Variants in FBXO11 observed in about 807,000 individuals in gnomAD.
The protein encoded by FBXO11 is F-box only protein 11.
Under a neutral mutation model 117.0 loss-of-function variants are expected in FBXO11, and 13 were observed. The ratio of observed to expected loss-of-function variants is 0.11; its 90% CI spans 0.07 to 0.18. FBXO11 has a LOEUF of 0.18. Ranked by LOEUF, FBXO11 falls within the 10% of genes least tolerant of loss-of-function variation. The pLI is 1.00. For missense variants in FBXO11, 767 were observed against 1,164.4 expected (o/e 0.66, Z 4.97); for synonymous variants, 490 against 380.5 (o/e 1.29, Z -3.35).
chr2:47,836,049 A>G, intron 4 of FBXO11, 48 bp from the exon 5 acceptor site: 1 of 1,409,036 alleles, frequency 7.1e-7, no homozygotes, highest in Non-Finnish European at 9.7e-7. Context: ...TGTCCTTTAG[A>G]TTAATACAGT....
intron 20 of FBXO11, 24 bp from the exon 21 acceptor site, chr2:47,809,290 A>C: frequency 7.2e-7 from 1 of 1,393,008 alleles, no homozygotes; most frequent in Non-Finnish European, 1.0e-6. Flanking sequence ...AAGAATAAGT[A>C]AAAATTCAGA....
chr2:47,898,409 C>G (rs1203340559), intron 1 of FBXO11, among the ~76,000 whole-genome samples: 1 of 152,166 alleles, frequency 6.6e-6, no homozygotes, highest in East Asian at 1.9e-4. Context: ...AGTCCACAAA[C>G]CAGTCAAAAT....
chr2:47,845,570 G>C (rs1186084408), intron 1 of FBXO11, among the ~76,000 whole-genome samples: 1 of 152,076 alleles, frequency 6.6e-6, no homozygotes, highest in Admixed American at 6.5e-5. Context: ...GAAATCTCTA[G>C]TCATTTGGGT....
intron 1 of FBXO11, among the ~76,000 whole-genome samples, chr2:47,890,031 A>G (rs922535248): frequency 6.6e-5 from 10 of 152,352 alleles, no homozygotes; most frequent in African/African-American, 2.4e-4. Flanking sequence ...AGAGTCCCAA[A>G]TATCAAATTC....
At chr2:47,860,463 C>G (rs1414290914) in intron 1 of FBXO11, among the ~76,000 whole-genome samples, 3 of 147,806 alleles carry the variant, frequency 2.0e-5, no homozygotes, top group African/African-American at 7.5e-5. Context: ...CAGAGTGGAG[C>G]GCAGTGGCAC....
chr2:47,884,088 G>A (rs1022753724), intron 1 of FBXO11, among the ~76,000 whole-genome samples: 1 of 152,086 alleles, frequency 6.6e-6, no homozygotes, highest in African/African-American at 2.4e-5. Flanking sequence ...GGCCTGTGAT[G>A]CATACCTATA....
At chr2:47,888,053 T>C (rs898769167) in intron 1 of FBXO11, among the ~76,000 whole-genome samples, 2 of 151,844 alleles carry the variant, frequency 1.3e-5, no homozygotes, top group African/African-American at 2.4e-5. Flanking sequence ...GATATATATA[T>C]ATGTATGTAT....
chr2:47,867,097 T>A (rs1432832312), intron 1 of FBXO11, among the ~76,000 whole-genome samples: 8 of 152,192 alleles, frequency 5.3e-5, no homozygotes, highest in Non-Finnish European at 1.0e-4. Flanking sequence ...CTTCATTTAA[T>A]TAATTGCTTT....
chr2:47,821,137 C>G (rs1229071835), intron 13 of FBXO11, among the ~76,000 whole-genome samples: 2 of 152,240 alleles, frequency 1.3e-5, no homozygotes, highest in Admixed American at 6.5e-5. Flanking sequence ...TCCCTGGTAT[C>G]TGGCATACTG....
chr2:47,820,747 A>G (rs975029622), intron 13 of FBXO11, among the ~76,000 whole-genome samples: 1 of 152,216 alleles, frequency 6.6e-6, no homozygotes, highest in Non-Finnish European at 1.5e-5. Flanking sequence ...ACTGATCAGT[A>G]AGTATCTTTG....
chr2:47,872,728 C>T (rs879761405), intron 1 of FBXO11, among the ~76,000 whole-genome samples: 2 of 152,152 alleles, frequency 1.3e-5, no homozygotes, highest in African/African-American at 2.4e-5. Flanking sequence ...CATGGGATAT[C>T]ACTACAGCCC....
At chr2:47,843,063 T>C (rs1376854174) in intron 1 of FBXO11, among the ~76,000 whole-genome samples, 1 of 152,184 alleles carries the variant, frequency 6.6e-6, no homozygotes, top group Non-Finnish European at 1.5e-5. Context: ...ATGAGATTAT[T>C]ATAGCTGTGA....
chr2:47,853,506 G>A (rs78466716), intron 1 of FBXO11, among the ~76,000 whole-genome samples: 10,913 of 152,074 alleles, frequency 0.072, 555 homozygotes, highest in Non-Finnish European at 0.11. Context: ...GTAAATAGTA[G>A]TATGTGGAGA....
chr2:47,890,485 G>A (rs1043780747), intron 1 of FBXO11, among the ~76,000 whole-genome samples: 5 of 152,056 alleles, frequency 3.3e-5, no homozygotes, highest in Non-Finnish European at 5.9e-5. Flanking sequence ...CAATCAAGTA[G>A]TATGAGTTCA....
rs758188889 is a variant in FBXO11 at position 47,905,734 on chromosome 2, G to A, written c.-14C>T. On this transcript the variant is annotated 5_prime_UTR_variant, in exon 1 of 23. Coordinates refer to ENST00000403359, the MANE Select transcript of FBXO11 (RefSeq NM_001190274.2). ...GACGGAGTTCATTTGCCGGGCTGAG[G>A]TGGCGGCGTTGGCGGAGGGACACAC... The A allele has an allele frequency of 1.3e-5, 20 of 1,525,058 alleles. No individual in the cohort carries two copies. The Admixed American group carries it at 1.8e-4, about 14-fold the overall frequency. 94.5% of individuals were successfully genotyped at this position (1,525,058 alleles called of 1,614,324 possible). A position where few individuals can be genotyped will look rare whatever the true frequency, so the allele number is the denominator to read the frequency against.
intron 1 of FBXO11, among the ~76,000 whole-genome samples, chr2:47,876,807 C>T (rs555260316): frequency 2.8e-4 from 43 of 152,152 alleles, no homozygotes; most frequent in Admixed American, 9.2e-4. Flanking sequence ...ATTCTGGAAA[C>T]CTTTTAATCA....
At chr2:47,894,103 T>A (rs758671246) in intron 1 of FBXO11, among the ~76,000 whole-genome samples, 1 of 152,186 alleles carries the variant, frequency 6.6e-6, no homozygotes, top group Non-Finnish European at 1.5e-5. Flanking sequence ...GGGATACTTG[T>A]ATCATGAGGA....
At chr2:47,822,358 G>C in intron 12 of FBXO11, 55 bp from the exon 13 acceptor site, 1 of 1,161,820 alleles carries the variant, frequency 8.6e-7, no homozygotes, top group South Asian at 1.4e-5. Context: ...AAACTTACTT[G>C]TTTTATACAA....
intron 1 of FBXO11, chr2:47,866,040 C>G (rs944930465): frequency 6.6e-6 from 1 of 151,990 alleles, no homozygotes; most frequent in African/African-American, 2.4e-5. Flanking sequence ...TCACTTGCAG[C>G]CAGGAGTTCA....
Sources: gnomAD v4.1 joint callset for allele counts (sites outside exome capture counted in the v4.1 genomes callset) on GRCh38, gnomAD v4.1.1 for gene constraint, MANE v1.5 for transcripts, NCBI Gene and HGNC (gene_info 2026-07-23, HGNC 2026-07-21) for gene names.